The following EPB41L1 variants were observed in gnomAD, a reference collection of about 807,000 sequenced individuals.
EPB41L1 encodes band 4.1-like protein 1.
In EPB41L1, 29 loss-of-function variants were observed where a neutral mutation model predicts 97.8. The ratio of observed to expected loss-of-function variants is 0.30; its 90% confidence interval spans 0.22 to 0.40. EPB41L1 has a LOEUF of 0.40. EPB41L1 is among the 10% of genes least tolerant of loss of function. The pLI, the probability that EPB41L1 is intolerant of heterozygous loss-of-function variation, is 1.00. For synonymous variants in EPB41L1, 383 were observed against 459.2 expected (o/e 0.83, Z 2.12); for missense variants, 812 against 1,162.3 (o/e 0.70, Z 4.38).
rs1434961997 is a variant in EPB41L1, at chr20:36,219,666, C to T, written c.2356-95C>T. ...AAAGCATCTTGGCTTCGAAACGTCA[C>T]CTTCACAGAGCCCTTTACCCCACCC... is the stretch of plus-strand genomic sequence containing the variant. On this transcript the variant is annotated intron_variant, in intron 18 of 21. Transcript: ENST00000338074. 2.9e-6 allele frequency: 3 copies of T among 1,033,864 alleles called. No homozygotes were observed. The African/African-American group carries it at 4.7e-5, about 16-fold the overall frequency. The allele number at this position is 1,033,864 out of a possible 1,614,324, so 64.0% of individuals were successfully genotyped here. A position where few individuals can be genotyped will look rare whatever the true frequency, so the allele number is the denominator to read the frequency against.
At chr20:36,105,939 C>T (rs989705126) in intron 1 of EPB41L1, among the ~76,000 whole-genome samples, 8 of 152,186 alleles carry the variant, frequency 5.3e-5, no homozygotes, top group African/African-American at 1.7e-4. Context: ...GCCCTCTCCT[C>T]CCCTCCTCCC....
intron 2 of EPB41L1, among the ~76,000 whole-genome samples, chr20:36,132,496 A>C (rs143642466): frequency 1.1e-3 from 155 of 138,780 alleles, no homozygotes; most frequent in African/African-American, 4.2e-3. Context: ...CACCTGTGCA[A>C]GGTCCCTTTT....
At position 36,099,171 on chromosome 20, in the gene EPB41L1, A is replaced by AAAAAC. The variant is rs141494785; in HGVS notation, c.-65+7578_-65+7582dup. On this transcript the variant is annotated intron_variant, in intron 1 of 19. Coordinates refer to the EPB41L1 transcript ENST00000202028. ...GTGACAGAGCAAGACTCCGTCTCGA[A>AAAAAC]AAAACAAAACAAAACAAAACAAAGA... 9.6e-3 allele frequency among the ~76,000 whole-genome samples: 1,462 copies of AAAAAC among 152,216 alleles called. 20 individuals carry two copies. The highest frequency in any genetic ancestry group is 0.062 in the East Asian group (322 of 5,174).
intron 17 of EPB41L1, 46 bp from the exon 18 acceptor site, chr20:36,218,830 C>T (rs753914949): frequency 6.3e-7 from 1 of 1,588,940 alleles, no homozygotes. Context: ...ATCCTGGGGG[C>T]CCACCCGGCT....
At chr20:36,130,125 A>G (rs1189944947) in intron 2 of EPB41L1, among the ~76,000 whole-genome samples, 1 of 151,978 alleles carries the variant, frequency 6.6e-6, no homozygotes, top group Non-Finnish European at 1.5e-5. Context: ...TATTTTTAGT[A>G]GAGACGGTAT....
At chr20:36,123,820 A>G (rs1372364637) in intron 2 of EPB41L1, among the ~76,000 whole-genome samples, 3 of 152,252 alleles carry the variant, frequency 2.0e-5, no homozygotes, top group Non-Finnish European at 2.9e-5. Flanking sequence ...TGGGGGCTAG[A>G]GAGAGAAGAA....
intron 11 of EPB41L1, among the ~76,000 whole-genome samples, chr20:36,192,438 G>A (rs901610429): frequency 2.0e-5 from 3 of 149,710 alleles, no homozygotes; most frequent in African/African-American, 7.4e-5. Flanking sequence ...GCTCAGGCAG[G>A]AGAATCACTT....
chr20:36,100,178 G>T (rs989877933), intron 1 of EPB41L1, among the ~76,000 whole-genome samples: 1 of 152,226 alleles, frequency 6.6e-6, no homozygotes, highest in Non-Finnish European at 1.5e-5. Context: ...AAGAGAGAGG[G>T]CTTATACTGT....
intron 14 of EPB41L1, among the ~76,000 whole-genome samples, chr20:36,199,236 C>T (rs924354813): frequency 1.3e-5 from 2 of 151,998 alleles, no homozygotes; most frequent in Admixed American, 1.3e-4. Context: ...ATAGGGGCAC[C>T]GAGACCCAGA....
At chr20:36,221,228 C>T (rs1366225831) in intron 19 of EPB41L1, among the ~76,000 whole-genome samples, 1 of 152,206 alleles carries the variant, frequency 6.6e-6, no homozygotes, top group Non-Finnish European at 1.5e-5. Flanking sequence ...TCAGTTATTA[C>T]TTCTAAACTT....
At chr20:36,096,760 C>A (rs2057845007) in intron 1 of EPB41L1, among the ~76,000 whole-genome samples, 1 of 152,232 alleles carries the variant, frequency 6.6e-6, no homozygotes, top group Admixed American at 6.5e-5. Context: ...GCCATGTGGG[C>A]AGGAACTTGC....
intron 14 of EPB41L1, among the ~76,000 whole-genome samples, chr20:36,200,409 A>G (rs1325196384): frequency 6.6e-6 from 1 of 152,112 alleles, no homozygotes; most frequent in East Asian, 1.9e-4. Flanking sequence ...CTCCTCGTAT[A>G]TTGTTGGGCC....
intron 2 of EPB41L1, among the ~76,000 whole-genome samples, chr20:36,112,683 G>A (rs1489762803): frequency 6.6e-6 from 1 of 152,170 alleles, no homozygotes; most frequent in East Asian, 1.9e-4. Context: ...TTGGGTTAGG[G>A]GCTGAAATGC....
In EPB41L1 at chr20:36,212,294, C is replaced by T. The variant is rs1481179545; in HGVS notation, c.2102C>T (p.Thr701Ile). 6.2e-7 allele frequency: 1 copy of T among 1,614,214 alleles called. No homozygotes were observed. Among genetic ancestry groups the T allele is most frequent in the African/African-American group, 1.3e-5 (1 of 75,052 alleles). The change falls in exon 16 of 22, where the codon ACT (threonine) becomes ATT (isoleucine). Residue 701 changes from threonine (T) to isoleucine (I), a missense_variant. This residue lies in a region of EPB41L1 where 498 missense variants were observed against 622.7 expected (regional missense o/e 0.80). Transcript: ENST00000338074. This position sits in a 1 kb window ranked among gnomAD's most constrained non-coding sequence, Gnocchi z 4.8. ...CAGCCCGTGAAAACAGAAACCATGA[C>T]TGTCAGCAGTCTGGCCATTAGAAAG... ...QFEPVKTETM[T>I]VSSLAIRKKI...
In EPB41L1 at chr20:36,174,166, C is replaced by T. The variant is rs2061120174; in HGVS notation, c.177+212C>T. On this transcript the variant is annotated intron_variant, in intron 2 of 21. Coordinates refer to ENST00000338074, the MANE Select transcript of EPB41L1 (RefSeq NM_012156.2). Reference sequence around the variant, plus strand: ...TCACTCTGTTGCCCAGGCTGGAGTGCAGCCTCAATCTCCCAGGCTCAAGCA... The same window carrying T: ...TCACTCTGTTGCCCAGGCTGGAGTGTAGCCTCAATCTCCCAGGCTCAAGCA... Among the ~76,000 whole-genome samples, 3 of 152,170 alleles carry T rather than the reference C, an allele frequency of 2.0e-5. No homozygotes were observed. In the South Asian group the frequency reaches 6.2e-4, roughly 32 times the overall value.
intron 5 of EPB41L1, among the ~76,000 whole-genome samples, chr20:36,181,698 T>C (rs184662368): frequency 1.1e-4 from 16 of 152,368 alleles, no homozygotes; most frequent in Admixed American, 9.1e-4. Flanking sequence ...AATTCTTGAA[T>C]GCATGTTCCC....
intron 17 of EPB41L1, 108 bp from the exon 18 acceptor site, chr20:36,218,768 A>G: frequency 4.0e-6 from 4 of 991,380 alleles, no homozygotes; most frequent in South Asian, 1.4e-5. Flanking sequence ...TGCTTCTATT[A>G]TTTCTACTCA....
At chr20:36,173,464 G>T (rs1468567631) in intron 1 of EPB41L1, among the ~76,000 whole-genome samples, 2 of 152,182 alleles carry the variant, frequency 1.3e-5, no homozygotes, top group Non-Finnish European at 2.9e-5. Flanking sequence ...GTGTGCTCCT[G>T]GTAGAGCAGG....
intron 1 of EPB41L1, among the ~76,000 whole-genome samples, chr20:36,098,258 A>T (rs2057897805): frequency 6.6e-6 from 1 of 152,138 alleles, no homozygotes; most frequent in Non-Finnish European, 1.5e-5. Flanking sequence ...ATGAGTGGGA[A>T]TCTGAAAAAC....
Sources: allele counts gnomAD v4.1 joint callset (sites outside exome capture counted in the v4.1 genomes callset), GRCh38; gene constraint gnomAD v4.1.1; regional missense constraint gnomAD v4.1.1; non-coding constraint Gnocchi (gnomAD v3.1); transcripts MANE v1.5; gene names NCBI Gene and HGNC (gene_info 2026-07-23, HGNC 2026-07-21).